The following AGFG2 variants were observed in gnomAD, a reference collection of about 807,000 sequenced individuals.
AGFG2 encodes the protein ArfGAP with FG repeats 2, also known as arf-GAP domain and FG repeat-containing protein 2.
In AGFG2, 31 loss-of-function variants were observed where a neutral mutation model predicts 48.0. That is an observed-to-expected ratio of 0.65 (90% confidence interval 0.49 to 0.87). AGFG2 has a LOEUF of 0.87. Ranked by LOEUF, AGFG2 falls within the 40% of genes least tolerant of loss-of-function variation. The pLI is 0.00. For synonymous variants in AGFG2, 229 were observed against 260.8 expected (o/e 0.88, Z 1.18); for missense variants, 599 against 632.6 (o/e 0.95, Z 0.57).
At position 100,553,509 on chromosome 7, in the gene AGFG2, C is replaced by T; in HGVS notation, c.585+9C>T. On this transcript the variant is annotated intron_variant, in intron 4 of 11. Coordinates refer to ENST00000300176, the MANE Select transcript of AGFG2 (RefSeq NM_006076.5). ...CCTCCACCTCGAGCCAGGTAACTCTCAGATCTGCTCGTCATGTTTCTTTTG... is the reference window on the plus strand; with the variant it reads ...CCTCCACCTCGAGCCAGGTAACTCTTAGATCTGCTCGTCATGTTTCTTTTG... 1 of 1,585,170 alleles carries T rather than the reference C, an allele frequency of 6.3e-7. No homozygotes were observed. The highest frequency in any genetic ancestry group is 8.6e-7 in the Non-Finnish European group (1 of 1,162,624).
chr7:100,541,960 C>A (rs139061102), intron 1 of AGFG2, among the ~76,000 whole-genome samples: 4 of 152,202 alleles, frequency 2.6e-5, no homozygotes, highest in East Asian at 3.9e-4. Flanking sequence ...CCTTATAATA[C>A]CCCTCAATCA....
At chr7:100,541,653 C>T (rs979825330) in intron 1 of AGFG2, among the ~76,000 whole-genome samples, 2 of 151,538 alleles carry the variant, frequency 1.3e-5, no homozygotes, top group African/African-American at 4.9e-5. Flanking sequence ...ATCCCAGCTA[C>T]TTAGGAGGCT....
Position 100,554,070 on chromosome 7 carries a change from G to C in AGFG2, c.586-23G>C, listed in dbSNP as rs1428493131. On this transcript the variant is annotated intron_variant, in intron 4 of 11. Coordinates refer to ENST00000300176, the MANE Select transcript of AGFG2 (RefSeq NM_006076.5). ...GGGCATGTCTGGGATTCTAAGGGCT[G>C]TATGCATTCCTTCTCCTCCAAGCCC... is the stretch of plus-strand genomic sequence containing the variant. The C allele has an allele frequency of 1.9e-6, 3 of 1,605,810 alleles. No individual in the cohort carries two copies. The South Asian group carries it at 3.3e-5, about 18-fold the overall frequency.
At chr7:100,544,461 G>A (rs1017849514) in intron 1 of AGFG2, among the ~76,000 whole-genome samples, 1 of 152,024 alleles carries the variant, frequency 6.6e-6, no homozygotes, top group Non-Finnish European at 1.5e-5. Context: ...AATCTCCATG[G>A]GAGGAAAGGT....
intron 1 of AGFG2, among the ~76,000 whole-genome samples, chr7:100,540,089 G>C (rs549924605): frequency 1.3e-4 from 19 of 151,096 alleles, no homozygotes; most frequent in African/African-American, 4.6e-4. Flanking sequence ...CTGAAACTTG[G>C]TTGAAATTCC....
intron 3 of AGFG2, among the ~76,000 whole-genome samples, chr7:100,551,030 T>TTATATATATA (rs373297543): frequency 0.014 from 773 of 55,854 alleles, 13 homozygotes; most frequent in African/African-American, 0.027. Context: ...CCTGGCTAAT[T>TTATATATATA]TATATATATA....
rs1011778823 is a variant in AGFG2 at position 100,565,696 on chromosome 7, A to G, written c.*705A>G. On this transcript the variant is annotated 3_prime_UTR_variant, in exon 12 of 12. Transcript: ENST00000300176. The stretch of plus-strand genomic sequence containing the variant: ...GATCTATCTATATGCACATACATAC[A>G]TATATACACACACCCAGCCGATCTC... The G allele has an allele frequency of 6.6e-6, 1 of 152,582 alleles. No individual in the cohort carries two copies. The highest frequency in any genetic ancestry group is 6.5e-5 in the Admixed American group (1 of 15,268). 9.5% of individuals were successfully genotyped at this position (152,582 alleles called of 1,614,324 possible). A position where few individuals can be genotyped will look rare whatever the true frequency, so the allele number is the denominator to read the frequency against.
In AGFG2 at chr7:100,562,335, C is replaced by T. The variant is rs562549094; in HGVS notation, c.954C>T (p.Gly318=). The change falls in exon 7 of 12, where the codon GGC becomes GGT. Residue 318 remains glycine (G), a synonymous_variant. Transcript: ENST00000300176. This position sits in a 1 kb window ranked among gnomAD's most constrained non-coding sequence, Gnocchi z 5.4. ...AGCCAAACAGCCTCGCAGACGTGGG[C>T]AGCTTCCTGGGACCCGGGGTGCCCG... is the stretch of plus-strand genomic sequence containing the variant. ...ASQPNSLADV[G]SFLGPGVPAA... 3.7e-6 allele frequency: 6 copies of T among 1,614,124 alleles called. No homozygotes were observed. Among genetic ancestry groups the T allele is most frequent in the East Asian group, 4.5e-5 (2 of 44,872 alleles).
In AGFG2 at chr7:100,551,270, C is replaced by T. The variant is rs552851990; in HGVS notation, c.431+759C>T. On this transcript the variant is annotated intron_variant, in intron 3 of 11. Transcript: ENST00000300176. ...ATTTTTAGTAGAGACGGAGTTTCAC[C>T]GTGTTAGCCAGGATGGTCTCGATCT... Among the ~76,000 whole-genome samples the T allele has an allele frequency of 1.1e-4, 16 of 150,894 alleles. No individual in the cohort carries two copies. In the South Asian group the frequency reaches 2.1e-3, roughly 20 times the overall value.
At chr7:100,557,940 G>A (rs1420772927) in intron 6 of AGFG2, among the ~76,000 whole-genome samples, 3 of 152,122 alleles carry the variant, frequency 2.0e-5, no homozygotes, top group Admixed American at 6.5e-5. Context: ...TAGGCCAGGC[G>A]CGGTGGCTCA....
At chr7:100,541,518 T>C (rs905217598) in intron 1 of AGFG2, among the ~76,000 whole-genome samples, 1 of 151,964 alleles carries the variant, frequency 6.6e-6, no homozygotes, top group African/African-American at 2.4e-5. Context: ...TCAGTATGTA[T>C]AGGAGGCCAA....
chr7:100,550,914 G>T (rs1264297630), intron 3 of AGFG2, among the ~76,000 whole-genome samples: 1 of 146,734 alleles, frequency 6.8e-6, no homozygotes, highest in Non-Finnish European at 1.5e-5. Context: ...AGGCTAGAGT[G>T]CAGTGCCACA....
At chr7:100,551,070 CT>C (rs1180012460) in intron 3 of AGFG2, among the ~76,000 whole-genome samples, 1,247 of 43,356 alleles carry the variant, frequency 0.029, 60 homozygotes, top group African/African-American at 0.094. Flanking sequence ...ATATATATTT[CT>C]TTTTTTTTTT....
intron 9 of AGFG2, among the ~76,000 whole-genome samples, 156 bp downstream of exon 9, chr7:100,563,102 C>T (rs559925241): frequency 6.6e-6 from 1 of 152,320 alleles, no homozygotes; most frequent in African/African-American, 2.4e-5. Context: ...CACCTAGCAC[C>T]CAGGTCACAG....
intron 3 of AGFG2, 140 bp from the exon 4 acceptor site, chr7:100,553,207 T>C: frequency 9.2e-7 from 1 of 1,091,950 alleles, no homozygotes; most frequent in Non-Finnish European, 1.3e-6. Context: ...TTTGCTAAGT[T>C]GCTCGGTTCC....
chr7:100,540,880 C>T (rs896487553), intron 1 of AGFG2, among the ~76,000 whole-genome samples: 5 of 151,810 alleles, frequency 3.3e-5, no homozygotes, highest in African/African-American at 4.8e-5. Flanking sequence ...GGTGTGGTGG[C>T]GCGCACCTGT....
intron 10 of AGFG2, 77 bp downstream of exon 10, chr7:100,564,039 T>G: frequency 6.3e-7 from 1 of 1,579,772 alleles, no homozygotes; most frequent in Non-Finnish European, 8.6e-7. Flanking sequence ...TCCTCCGACC[T>G]CATCAGAGCC....
chr7:100,565,094 T>C lies in AGFG2; in HGVS notation c.*103T>C. The C allele has an allele frequency of 7.6e-7, 1 of 1,319,140 alleles. No homozygotes were observed. The highest frequency in any genetic ancestry group is 1.2e-5 in the South Asian group (1 of 84,538). 81.7% of individuals were successfully genotyped at this position (1,319,140 alleles called of 1,614,324 possible). A position where few individuals can be genotyped will look rare whatever the true frequency, so the allele number is the denominator to read the frequency against. On this transcript the variant is annotated 3_prime_UTR_variant, in exon 12 of 12. Coordinates refer to ENST00000300176, the MANE Select transcript of AGFG2 (RefSeq NM_006076.5). ...TGGGCATTTCTATGGGCCTTGGGGATGGTGGAGGTGCTAATGCTTTGCTTG... is the reference window on the plus strand; with the variant it reads ...TGGGCATTTCTATGGGCCTTGGGGACGGTGGAGGTGCTAATGCTTTGCTTG...
chr7:100,556,704 A>T, intron 6 of AGFG2: 1 of 1,203,522 alleles, frequency 8.3e-7, no homozygotes, highest in Non-Finnish European at 1.1e-6. Flanking sequence ...GGAACCCTTA[A>T]AATTTGGCCA....
Sources: allele counts gnomAD v4.1 joint callset (sites outside exome capture counted in the v4.1 genomes callset), GRCh38; gene constraint gnomAD v4.1.1; non-coding constraint Gnocchi (gnomAD v3.1); transcripts MANE v1.5; gene names NCBI Gene and HGNC (gene_info 2026-07-23, HGNC 2026-07-21).